DNAH11: variants seen among roughly 807,000 people sequenced by gnomAD.
DNAH11 encodes the protein axonemal beta dynein heavy chain 11.
DNAH11 carries 442 observed loss-of-function variants against 526.0 expected under a neutral mutation model. That is an observed-to-expected ratio of 0.84 (90% CI 0.78 to 0.91). DNAH11 has a LOEUF of 0.91. Among genes scored for constraint, DNAH11 ranks in the 40% least tolerant of loss-of-function variants. The pLI is 0.00. For missense variants in DNAH11, 6,989 were observed against 5,448.7 expected (o/e 1.28, Z -8.90); for synonymous variants, 2,461 against 1,935.9 (o/e 1.27, Z -7.12).
At chr7:21,600,976 T>C (rs539850453) in intron 16 of DNAH11, 34 bp from the exon 17 acceptor site, 12 of 1,610,358 alleles carry the variant, frequency 7.5e-6, no homozygotes, top group South Asian at 3.3e-5. Flanking sequence ...GGCTTTTCAC[T>C]GAGTTGTTCT....
chr7:21,654,748 CT>C lies in DNAH11; in HGVS notation c.4945-1083del, dbSNP rs201289417. ...TTCTGATACTTCTTCTGGGCCGCCC[CT>C]GCCCTTTACTCAGTCTACCTCAAGA... On this transcript the variant is annotated intron_variant, in intron 28 of 81. Coordinates refer to ENST00000409508, the MANE Select transcript of DNAH11 (RefSeq NM_001277115.2). Among the ~76,000 whole-genome samples, 1,284 of 152,294 alleles carry C rather than the reference CT, an allele frequency of 8.4e-3. 46 individuals carry two copies. The highest frequency in any genetic ancestry group is 0.08 in the South Asian group (384 of 4,826).
At chr7:21,753,316 A>G (rs746329066) in intron 54 of DNAH11, among the ~76,000 whole-genome samples, 8 of 152,156 alleles carry the variant, frequency 5.3e-5, no homozygotes, top group Admixed American at 4.6e-4. Flanking sequence ...CTGGCCGCAA[A>G]TGCTTCCCAT....
chr7:21,901,372 T>C lies in DNAH11; in HGVS notation c.*118T>C. ...TTTAGTAACTCACACGTGCATTCTTTTTTCAACGCTATCCTTAGAGTGAAA... is the reference window on the plus strand; with the variant it reads ...TTTAGTAACTCACACGTGCATTCTTCTTTCAACGCTATCCTTAGAGTGAAA... On this transcript the variant is annotated 3_prime_UTR_variant, in exon 82 of 82. Coordinates refer to ENST00000409508, the MANE Select transcript of DNAH11 (RefSeq NM_001277115.2). The C allele has an allele frequency of 7.5e-7, 1 of 1,328,028 alleles. No individual in the cohort carries two copies. Among genetic ancestry groups the C allele is most frequent in the Non-Finnish European group, 9.8e-7 (1 of 1,020,144 alleles). The allele number at this position is 1,328,028 out of a possible 1,614,324, so 82.3% of individuals were successfully genotyped here.
chr7:21,741,853 A>C lies in DNAH11; in HGVS notation c.7915-74A>C. On this transcript the variant is annotated intron_variant, in intron 48 of 81. Coordinates refer to ENST00000409508, the MANE Select transcript of DNAH11 (RefSeq NM_001277115.2). ...ATGGGCCTGGATACAGGGAGGAGTG[A>C]AAAAAAATCAGGTCTTTGCAATTTT... 2.6e-6 allele frequency: 4 copies of C among 1,526,148 alleles called. No homozygotes were observed. The East Asian group carries it at 9.2e-5, about 35-fold the overall frequency. The allele number at this position is 1,526,148 out of a possible 1,614,324, so 94.5% of individuals were successfully genotyped here. A position where few individuals can be genotyped will look rare whatever the true frequency, so the allele number is the denominator to read the frequency against.
intron 65 of DNAH11, among the ~76,000 whole-genome samples, chr7:21,837,350 G>A (rs772585753): frequency 6.6e-5 from 10 of 152,064 alleles, no homozygotes; most frequent in Non-Finnish European, 1.2e-4. Flanking sequence ...AGTTGAATGC[G>A]TAATGAAAGT....
chr7:21,581,273 C>T (rs1020737459), intron 8 of DNAH11, among the ~76,000 whole-genome samples: 9 of 152,100 alleles, frequency 5.9e-5, no homozygotes, highest in African/African-American at 1.9e-4. Context: ...ATTCTTTCAC[C>T]GTTTCATTGT....
rs1784462222 is a variant in DNAH11 at position 21,895,075 on chromosome 7, T to TAAGAAC, written c.13049+77_13049+82dup. On this transcript the variant is annotated intron_variant, in intron 79 of 81. Transcript: ENST00000409508. ...GGTTAGTGTTCTGAATAATGCTTCC[T>TAAGAAC]AAGAACTATGCAGACGGAGCTTTGT... 4.1e-6 allele frequency: 5 copies of TAAGAAC among 1,217,372 alleles called. 1 individual carries two copies. The highest frequency in any genetic ancestry group is 3.6e-5 in the Admixed American group (2 of 56,018). 75.4% of individuals were successfully genotyped at this position (1,217,372 alleles called of 1,614,324 possible). A position where few individuals can be genotyped will look rare whatever the true frequency, so the allele number is the denominator to read the frequency against.
In DNAH11 at chr7:21,873,494, T is replaced by G. The variant is rs1288167085; in HGVS notation, c.12188T>G (p.Phe4063Cys). 4 of 1,613,762 alleles carry G rather than the reference T, an allele frequency of 2.5e-6. No individual in the cohort carries two copies. The highest frequency in any genetic ancestry group is 3.4e-6 in the Non-Finnish European group (4 of 1,179,836). ...LANLHAALYN[F>C]DQDTLEICSK... ...AATTTGCATGCCGCCCTGTACAACT[T>G]TGATCAGGTAAGAAAGCGAAGCAGG... The change falls in exon 74 of 82, where the codon TTT (phenylalanine) becomes TGT (cysteine). Residue 4063 changes from phenylalanine (F) to cysteine (C), a missense_variant. Physicochemically the swap from Phe to Cys is radical, Grantham distance 205. Coordinates refer to ENST00000409508, the MANE Select transcript of DNAH11 (RefSeq NM_001277115.2).
intron 75 of DNAH11, among the ~76,000 whole-genome samples, chr7:21,883,166 T>G (rs1169568850): frequency 2.0e-5 from 3 of 152,236 alleles, no homozygotes; most frequent in Non-Finnish European, 4.4e-5. Flanking sequence ...TTGGCATAGT[T>G]GAAGCAATTT....
chr7:21,543,615 G>C lies in DNAH11; in HGVS notation c.351+19G>C, dbSNP rs974830694. The C allele has an allele frequency of 6.4e-7, 1 of 1,568,192 alleles. No individual in the cohort carries two copies. The highest frequency in any genetic ancestry group is 8.6e-7 in the Non-Finnish European group (1 of 1,156,106). On this transcript the variant is annotated intron_variant, in intron 1 of 81. Coordinates refer to ENST00000409508, the MANE Select transcript of DNAH11 (RefSeq NM_001277115.2). Reference sequence around the variant, plus strand: ...CCAGGAGGTAAGAGGCGACGGGCAAGGGGACCTGCCCATCCAACAAAACTA... The same window carrying C: ...CCAGGAGGTAAGAGGCGACGGGCAACGGGACCTGCCCATCCAACAAAACTA...
chr7:21,837,203 G>C (rs750644180), intron 65 of DNAH11, among the ~76,000 whole-genome samples: 5 of 152,006 alleles, frequency 3.3e-5, no homozygotes, highest in Non-Finnish European at 7.4e-5. Flanking sequence ...GAAAAACTAA[G>C]AACTACCGTA....
chr7:21,704,357 A>G, intron 37 of DNAH11, 77 bp from the exon 38 acceptor site: 1 of 1,422,124 alleles, frequency 7.0e-7, no homozygotes, highest in East Asian at 2.5e-5. Context: ...GAGGAGTAAA[A>G]ATAACAAACA....
At chr7:21,762,305 C>G (rs11971485) in intron 54 of DNAH11, among the ~76,000 whole-genome samples, 5,979 of 152,228 alleles carry the variant, frequency 0.039, 246 homozygotes, top group East Asian at 0.21. Context: ...ACAGTATTTT[C>G]TAACACATTC....
chr7:21,594,821 C>G (rs1163151463), intron 14 of DNAH11, among the ~76,000 whole-genome samples: 1 of 152,056 alleles, frequency 6.6e-6, no homozygotes, highest in Non-Finnish European at 1.5e-5. Flanking sequence ...ACTGGCAGCT[C>G]AGGGGAGGCT....
chr7:21,777,047 T>A (rs75093397), intron 56 of DNAH11, among the ~76,000 whole-genome samples: 6,365 of 152,064 alleles, frequency 0.042, 272 homozygotes, highest in East Asian at 0.25. Flanking sequence ...TACAGAAAGA[T>A]CCCATGTTGC....
intron 25 of DNAH11, among the ~76,000 whole-genome samples, chr7:21,633,383 C>G (rs555686168): frequency 1.3e-5 from 2 of 152,316 alleles, no homozygotes; most frequent in East Asian, 1.9e-4. Flanking sequence ...TCCAGATGAT[C>G]TATCCATTGT....
intron 45 of DNAH11, 116 bp from the exon 46 acceptor site, chr7:21,735,524 G>T: frequency 2.3e-6 from 2 of 855,508 alleles, no homozygotes; most frequent in Non-Finnish European, 3.6e-6. Context: ...TGAATTATTT[G>T]GATTTCAATT....
chr7:21,897,003 A>G (rs1225498481), intron 79 of DNAH11, among the ~76,000 whole-genome samples: 2 of 152,176 alleles, frequency 1.3e-5, no homozygotes, highest in African/African-American at 2.4e-5. Context: ...TGAGCCCAAG[A>G]GGTCAAGGGT....
intron 66 of DNAH11, among the ~76,000 whole-genome samples, chr7:21,850,250 G>C (rs1322387748): frequency 1.3e-5 from 2 of 151,152 alleles, no homozygotes; most frequent in African/African-American, 4.8e-5. Flanking sequence ...CAGCTACTCG[G>C]GAGGCTGAGG....
Sources: allele counts gnomAD v4.1 joint callset (sites outside exome capture counted in the v4.1 genomes callset), GRCh38; gene constraint gnomAD v4.1.1; transcripts MANE v1.5; gene names NCBI Gene and HGNC (gene_info 2026-07-23, HGNC 2026-07-21).